CARMIL1: variants seen among roughly 807,000 people sequenced by gnomAD.
CARMIL1 encodes the protein capping protein regulator and myosin 1 linker 1.
CARMIL1 carries 90 observed loss-of-function variants against 177.1 expected under a neutral mutation model. The ratio of observed to expected loss-of-function variants is 0.51; its 90% CI spans 0.43 to 0.61. The LOEUF (loss-of-function observed/expected upper bound fraction) is 0.61, where lower values mean the gene tolerates loss of function less well. Among genes scored for constraint, CARMIL1 ranks in the 20% least tolerant of loss-of-function variants. The pLI is 0.00. For missense variants in CARMIL1, 1,380 were observed against 1,667.0 expected, an observed-to-expected ratio of 0.83 and a Z score of 3.00; for synonymous variants, 577 against 606.2, an observed-to-expected ratio of 0.95 and a Z score of 0.71.
intron 2 of CARMIL1, among the ~76,000 whole-genome samples, chr6:25,356,657 A>T (rs1025585285): frequency 2.6e-5 from 4 of 152,168 alleles, no homozygotes; most frequent in African/African-American, 9.7e-5. Flanking sequence ...TAGTGCCCTT[A>T]GTTCTTAATG....
At chr6:25,452,004 CAGAATACTG>C in intron 8 of CARMIL1, 1 of 315,370 alleles carries the variant, frequency 3.2e-6, no homozygotes, top group Non-Finnish European at 6.4e-6. Context: ...CTCCCCCCCC[CAGAATACTG>C]TTTTGAATTA....
chr6:25,546,584 C>G (rs1474575276), intron 26 of CARMIL1, among the ~76,000 whole-genome samples: 1 of 149,996 alleles, frequency 6.7e-6, no homozygotes, highest in East Asian at 1.9e-4. Context: ...CCTGTAGTCC[C>G]AGCAAGGTGG....
In CARMIL1 at chr6:25,509,604, C is replaced by T; in HGVS notation, c.1396-52C>T. 4 of 1,186,366 alleles carry T rather than the reference C, an allele frequency of 3.4e-6. No homozygotes were observed. The South Asian group carries it at 5.4e-5, about 16-fold the overall frequency. 73.5% of individuals were successfully genotyped at this position (1,186,366 alleles called of 1,614,324 possible). ...TCTCCTATTTTTAATTTTTTGATTACATCTCCAGTAGAGTGAAGACTTTAC... is the reference window on the plus strand; with the variant it reads ...TCTCCTATTTTTAATTTTTTGATTATATCTCCAGTAGAGTGAAGACTTTAC... On this transcript the variant is annotated intron_variant, in intron 17 of 36. Coordinates refer to ENST00000329474, the MANE Select transcript of CARMIL1 (RefSeq NM_017640.6). This position sits in a 1 kb window ranked among gnomAD's most constrained non-coding sequence, Gnocchi z 4.1.
intron 2 of CARMIL1, among the ~76,000 whole-genome samples, chr6:25,410,418 A>G (rs529111422): frequency 6.6e-6 from 1 of 152,286 alleles, no homozygotes; most frequent in East Asian, 1.9e-4. Context: ...TGTGTTTTGC[A>G]TGTATTATCT....
intron 11 of CARMIL1, among the ~76,000 whole-genome samples, chr6:25,481,565 G>A (rs1225754180): frequency 6.6e-6 from 1 of 152,172 alleles, no homozygotes; most frequent in African/African-American, 2.4e-5. Context: ...CCTGTATGAA[G>A]GGCATACGTT....
intron 8 of CARMIL1, among the ~76,000 whole-genome samples, chr6:25,463,374 T>C (rs1800290327): frequency 6.6e-6 from 1 of 152,246 alleles, no homozygotes; most frequent in African/African-American, 2.4e-5. Flanking sequence ...TATTGAACCA[T>C]AAGCATTTTT....
chr6:25,509,610 C>T lies in CARMIL1; in HGVS notation c.1396-46C>T. ...ATTTTTAATTTTTTGATTACATCTC[C>T]AGTAGAGTGAAGACTTTACTTTGTG... is the stretch of plus-strand genomic sequence containing the variant. On this transcript the variant is annotated intron_variant, in intron 17 of 36. Coordinates refer to ENST00000329474, the MANE Select transcript of CARMIL1 (RefSeq NM_017640.6). This position sits in a 1 kb window ranked among gnomAD's most constrained non-coding sequence, Gnocchi z 4.1. 8.1e-7 allele frequency: 1 copy of T among 1,232,782 alleles called. No individual in the cohort carries two copies. 76.4% of individuals were successfully genotyped at this position (1,232,782 alleles called of 1,614,324 possible). A position where few individuals can be genotyped will look rare whatever the true frequency, so the allele number is the denominator to read the frequency against.
intron 28 of CARMIL1, among the ~76,000 whole-genome samples, chr6:25,555,347 CT>C (rs1250383528): frequency 6.6e-6 from 1 of 151,946 alleles, no homozygotes; most frequent in Non-Finnish European, 1.5e-5. Context: ...CTGATTCAGC[CT>C]TTTTTTAAAT....
chr6:25,535,999 A>G (rs557081957), intron 24 of CARMIL1, among the ~76,000 whole-genome samples: 24 of 152,182 alleles, frequency 1.6e-4, no homozygotes, highest in Admixed American at 4.6e-4. Flanking sequence ...GAGTTCATGT[A>G]AATCCTCTCC....
At chr6:25,297,442 A>T (rs1263641256) in intron 2 of CARMIL1, among the ~76,000 whole-genome samples, 1 of 152,178 alleles carries the variant, frequency 6.6e-6, no homozygotes, top group Non-Finnish European at 1.5e-5. Flanking sequence ...TTTAAATAGC[A>T]CTTAACCCTC....
At chr6:25,297,634 C>T (rs1782523450) in intron 2 of CARMIL1, among the ~76,000 whole-genome samples, 1 of 152,196 alleles carries the variant, frequency 6.6e-6, no homozygotes. Flanking sequence ...CACCTTGTCA[C>T]TTGGAGTTTC....
In CARMIL1 at chr6:25,296,932, T is replaced by A. The variant is rs58825158; in HGVS notation, c.138+12023T>A. 9.2e-3 allele frequency among the ~76,000 whole-genome samples: 367 copies of A among 39,724 alleles called. 1 individual carries two copies. Among genetic ancestry groups the A allele is most frequent in the African/African-American group, 0.036 (289 of 7,918 alleles). The allele number at this position is 39,724 out of a possible 152,430, so 26.1% of individuals were successfully genotyped here. A position where few individuals can be genotyped will look rare whatever the true frequency, so the allele number is the denominator to read the frequency against. ...ATCTATCTATCTATCTATCTATCTA[T>A]CTTTAACTAACTAACTAACTAACTA... On this transcript the variant is annotated intron_variant, in intron 2 of 36. Coordinates refer to ENST00000329474, the MANE Select transcript of CARMIL1 (RefSeq NM_017640.6).
chr6:25,400,450 A>G (rs2150577489), intron 2 of CARMIL1, among the ~76,000 whole-genome samples: 1 of 152,122 alleles, frequency 6.6e-6, no homozygotes, highest in East Asian at 1.9e-4. Flanking sequence ...AATCAGAGGG[A>G]CTTTTTAAGC....
intron 1 of CARMIL1, among the ~76,000 whole-genome samples, chr6:25,282,694 A>G (rs923538646): frequency 2.6e-5 from 4 of 152,218 alleles, no homozygotes; most frequent in African/African-American, 9.6e-5. Flanking sequence ...TTCTTCTTTC[A>G]TCTCAATGGA....
At chr6:25,373,254 C>T (rs1790605430) in intron 2 of CARMIL1, among the ~76,000 whole-genome samples, 1 of 151,202 alleles carries the variant, frequency 6.6e-6, no homozygotes, top group African/African-American at 2.4e-5. Flanking sequence ...GTTTTGGTAT[C>T]AGGGTGATAT....
chr6:25,459,272 T>TCTTTCTTTCTC (rs1477339182), intron 8 of CARMIL1, among the ~76,000 whole-genome samples: 1 of 134,894 alleles, frequency 7.4e-6, no homozygotes, highest in African/African-American at 2.7e-5. Context: ...CTTTCTTTTT[T>TCTTTCTTTCTC]TTTTTTTTAA....
intron 2 of CARMIL1, among the ~76,000 whole-genome samples, chr6:25,398,592 C>T (rs914947523): frequency 1.8e-4 from 28 of 152,138 alleles, no homozygotes; most frequent in African/African-American, 6.5e-4. Flanking sequence ...CATATGCAGA[C>T]GACACAGGCT....
At chr6:25,508,685 T>C (rs191498449) in intron 17 of CARMIL1, among the ~76,000 whole-genome samples, 1 of 152,362 alleles carries the variant, frequency 6.6e-6, no homozygotes, top group Admixed American at 6.5e-5. Context: ...TTAAACTTTT[T>C]ATAAATTTTA....
intron 29 of CARMIL1, among the ~76,000 whole-genome samples, chr6:25,569,025 T>C (rs1054049441): frequency 2.6e-5 from 4 of 152,226 alleles, no homozygotes; most frequent in African/African-American, 9.6e-5. Flanking sequence ...ATACCTTGGC[T>C]GTAAATCGAT....
Sources: allele counts gnomAD v4.1 joint callset (sites outside exome capture counted in the v4.1 genomes callset), GRCh38; gene constraint gnomAD v4.1.1; non-coding constraint Gnocchi (gnomAD v3.1); transcripts MANE v1.5; gene names NCBI Gene and HGNC (gene_info 2026-07-23, HGNC 2026-07-21).